The following IPO7 variants were observed in gnomAD, a reference collection of about 807,000 sequenced individuals.
The protein encoded by IPO7 is importin 7.
IPO7 carries 13 observed loss-of-function variants against 136.4 expected under a neutral mutation model. The ratio of observed to expected loss-of-function variants is 0.10; its 90% CI spans 0.06 to 0.15. The LOEUF is 0.15. Ranked by LOEUF, IPO7 falls within the 10% of genes least tolerant of loss-of-function variation. The probability of loss-of-function intolerance (pLI) is 1.00; values close to 1 mark genes in which losing one functional copy is unlikely to be tolerated. For missense variants in IPO7, 857 were observed against 1,240.6 expected, an observed-to-expected ratio of 0.69 and a Z score of 4.65; for synonymous variants, 403 against 404.4, an observed-to-expected ratio of 1.00 and a Z score of 0.04.
At chr11:9,414,483 A>T (rs935711681) in intron 5 of IPO7, 72 bp downstream of exon 5, 1 of 990,278 alleles carries the variant, frequency 1.0e-6, no homozygotes. Flanking sequence ...ATTAACAAAG[A>T]ATTTCAGCAT....
chr11:9,426,511 G>C (rs1394357829), intron 12 of IPO7, among the ~76,000 whole-genome samples: 1 of 151,844 alleles, frequency 6.6e-6, no homozygotes, highest in Admixed American at 6.6e-5. Context: ...ATTTTTCATG[G>C]GTATATACCT....
At chr11:9,395,678 TTTC>T (rs1484441176) in intron 1 of IPO7, among the ~76,000 whole-genome samples, 9 of 152,334 alleles carry the variant, frequency 5.9e-5, no homozygotes, top group Admixed American at 2.0e-4. Context: ...AGAAATATAC[TTTC>T]TTATTTTTAC....
At chr11:9,399,193 C>A (rs1443369992) in intron 1 of IPO7, among the ~76,000 whole-genome samples, 2 of 143,916 alleles carry the variant, frequency 1.4e-5, no homozygotes, top group African/African-American at 2.6e-5. Flanking sequence ...GACAGAGTTT[C>A]ACTCTTGTTG....
Position 9,414,300 on chromosome 11 carries a change from G to A in IPO7, c.525G>A (p.Gln175=), listed in dbSNP as rs755339753. 4.3e-6 allele frequency: 7 copies of A among 1,612,978 alleles called. No homozygotes were observed. The highest frequency in any genetic ancestry group is 5.1e-6 in the Non-Finnish European group (6 of 1,179,298). Residue 175 remains glutamine (Q), a synonymous_variant, in exon 5 of 25, where the codon CAG becomes CAA. Transcript: ENST00000379719. The part of the protein sequence containing the change: ...EERSPLVAAM[Q]HFLPVLKDRF... ...GGAGTCCATTGGTAGCAGCAATGCAGCATTTTCTGCCAGTTCTAAAGGATC... is the reference window on the plus strand; with the variant it reads ...GGAGTCCATTGGTAGCAGCAATGCAACATTTTCTGCCAGTTCTAAAGGATC...
intron 16 of IPO7, among the ~76,000 whole-genome samples, chr11:9,431,922 C>T (rs1393137362): frequency 6.6e-6 from 1 of 152,082 alleles, no homozygotes; most frequent in African/African-American, 2.4e-5. Flanking sequence ...CTGCAGTGAG[C>T]ATAGATCGCG....
chr11:9,441,277 T>TA (rs1324418844), intron 23 of IPO7, among the ~76,000 whole-genome samples: 1 of 152,190 alleles, frequency 6.6e-6, no homozygotes, highest in Non-Finnish European at 1.5e-5. Flanking sequence ...ACTGTTCCTA[T>TA]AATGTGTCAT....
At chr11:9,392,120 C>A in intron 1 of IPO7, 1 of 359,970 alleles carries the variant, frequency 2.8e-6, no homozygotes, top group South Asian at 2.2e-5. Context: ...CCTCACTATG[C>A]CTTATATTTC....
chr11:9,423,488 A>G (rs1017761988), intron 9 of IPO7, among the ~76,000 whole-genome samples: 2 of 152,188 alleles, frequency 1.3e-5, no homozygotes, highest in Non-Finnish European at 2.9e-5. Flanking sequence ...TGCTATTTCT[A>G]TGAATAATTT....
chr11:9,428,416 G>A (rs1855243590), intron 12 of IPO7, 124 bp from the exon 13 acceptor site: 4 of 476,464 alleles, frequency 8.4e-6, no homozygotes, highest in Admixed American at 3.7e-5. Flanking sequence ...GGATTCTGGG[G>A]TTCAAAGAAT....
intron 12 of IPO7, among the ~76,000 whole-genome samples, chr11:9,426,136 C>A (rs1855203631): frequency 6.6e-6 from 1 of 152,186 alleles, no homozygotes; most frequent in African/African-American, 2.4e-5. Context: ...ATAACTATCA[C>A]CCCCAGAAGG....
intron 6 of IPO7, among the ~76,000 whole-genome samples, chr11:9,418,963 G>GCGGTA (rs1229513477): frequency 1.3e-5 from 2 of 152,126 alleles, no homozygotes; most frequent in Non-Finnish European, 2.9e-5. Flanking sequence ...TTATTGCTGA[G>GCGGTA]CGGTATCCCA....
intron 4 of IPO7, among the ~76,000 whole-genome samples, chr11:9,410,389 A>C (rs1440270552): frequency 6.6e-6 from 1 of 152,186 alleles, no homozygotes; most frequent in Non-Finnish European, 1.5e-5. Flanking sequence ...CCTTCAGGTA[A>C]GTTTTTCTAA....
chr11:9,396,316 A>G (rs1590427343), intron 1 of IPO7, among the ~76,000 whole-genome samples: 1 of 152,204 alleles, frequency 6.6e-6, no homozygotes. Flanking sequence ...GAGTCATTTC[A>G]ACCTGGGAGG....
chr11:9,397,342 ATATATATAT>A, intron 1 of IPO7, among the ~76,000 whole-genome samples: 1 of 14,526 alleles, frequency 6.9e-5, no homozygotes, highest in East Asian at 2.3e-3. Context: ...TTAAAAAAAA[ATATATATAT>A]ATATATATAT....
At chr11:9,405,345 T>C (rs1854867233) in intron 2 of IPO7, among the ~76,000 whole-genome samples, 2 of 152,160 alleles carry the variant, frequency 1.3e-5, no homozygotes, top group Admixed American at 1.3e-4. Context: ...CGGCTAATTC[T>C]TTGTATTTTT....
chr11:9,420,574 G>T, intron 7 of IPO7, 40 bp from the exon 8 acceptor site: 1 of 1,566,078 alleles, frequency 6.4e-7, no homozygotes, highest in Non-Finnish European at 8.8e-7. Flanking sequence ...CTAGCATAAA[G>T]CATTATAAAG....
At chr11:9,401,643 A>G (rs1854798487) in intron 1 of IPO7, among the ~76,000 whole-genome samples, 3 of 152,202 alleles carry the variant, frequency 2.0e-5, no homozygotes, top group African/African-American at 7.2e-5. Flanking sequence ...AAAGTGATCC[A>G]GGTCTATAAT....
At chr11:9,443,010 G>A (rs562562118) in intron 24 of IPO7, among the ~76,000 whole-genome samples, 117 of 151,864 alleles carry the variant, frequency 7.7e-4, no homozygotes, top group African/African-American at 9.2e-4. Context: ...GCAACAGAAC[G>A]AGACTCCATC....
In IPO7 at chr11:9,397,333, TAA is replaced by T. The variant is rs1238499611; in HGVS notation, c.85-5949_85-5948del. On this transcript the variant is annotated intron_variant, in intron 1 of 24. Coordinates refer to ENST00000379719, the MANE Select transcript of IPO7 (RefSeq NM_006391.3). Reference sequence around the variant, plus strand: ...AACCCCGTCTTTACTAAAAATAATTTAAAAAAAAATATATATATATATATATA... The same window carrying T: ...AACCCCGTCTTTACTAAAAATAATTTAAAAAAATATATATATATATATATA... 7.0e-3 allele frequency among the ~76,000 whole-genome samples: 372 copies of T among 52,918 alleles called. 43 individuals carry two copies. Among genetic ancestry groups the T allele is most frequent in the African/African-American group, 0.028 (351 of 12,668 alleles). 34.7% of individuals were successfully genotyped at this position (52,918 alleles called of 152,430 possible).
Sources: allele counts gnomAD v4.1 joint callset (sites outside exome capture counted in the v4.1 genomes callset), GRCh38; gene constraint gnomAD v4.1.1; transcripts MANE v1.5; gene names NCBI Gene and HGNC (gene_info 2026-07-23, HGNC 2026-07-21).